Variants in KDM4C observed in about 807,000 individuals in gnomAD.
KDM4C encodes the protein lysine demethylase 4C, also known as lysine-specific demethylase 4C.
KDM4C carries 81 observed loss-of-function variants against 129.3 expected under a neutral mutation model. The ratio of observed to expected loss-of-function variants is 0.63; its 90% CI spans 0.52 to 0.75. The LOEUF (loss-of-function observed/expected upper bound fraction) is 0.75. Among genes scored for constraint, KDM4C ranks in the 30% least tolerant of loss-of-function variants. The pLI is 0.00. For missense variants in KDM4C, 1,457 were observed against 1,304.0 expected, an observed-to-expected ratio of 1.12 and a Z score of -1.81; for synonymous variants, 573 against 456.1, an observed-to-expected ratio of 1.26 and a Z score of -3.26.
intron 5 of KDM4C, among the ~76,000 whole-genome samples, chr9:6,863,618 A>G (rs527795982): frequency 1.3e-5 from 2 of 152,056 alleles, no homozygotes; most frequent in African/African-American, 4.8e-5. Context: ...AACACGGTGA[A>G]ACCTTGTCTC....
Position 6,822,361 on chromosome 9 carries a change from C to G in KDM4C, c.435+7616C>G, listed in dbSNP as rs140324793. 5.9e-3 allele frequency among the ~76,000 whole-genome samples: 898 copies of G among 152,198 alleles called. 11 individuals are homozygous for G. Among genetic ancestry groups the G allele is most frequent in the African/African-American group, 0.021 (857 of 41,532 alleles). On this transcript the variant is annotated intron_variant, in intron 4 of 21. Coordinates refer to ENST00000381309, the MANE Select transcript of KDM4C (RefSeq NM_015061.6). The stretch of plus-strand genomic sequence containing the variant: ...TGTTCTTGGGGAAGACTGTACAAAT[C>G]CTTTTTGAGATAGATGGGATATAAA...
Position 6,758,149 on chromosome 9 carries a change from C to A in KDM4C, c.-72C>A, listed in dbSNP as rs1464286014. 1 of 985,620 alleles carries A rather than the reference C, an allele frequency of 1.0e-6. No homozygotes were observed. Among genetic ancestry groups the A allele is most frequent in the African/African-American group, 1.7e-5 (1 of 57,256 alleles). 61.1% of individuals were successfully genotyped at this position (985,620 alleles called of 1,614,324 possible). A position where few individuals can be genotyped will look rare whatever the true frequency, so the allele number is the denominator to read the frequency against. ...CCAAATCTCCCTGGGCCGGAGGCCACTGTCTTCTCTTCCTCCTCCACCGAG... is the reference window on the plus strand; with the variant it reads ...CCAAATCTCCCTGGGCCGGAGGCCAATGTCTTCTCTTCCTCCTCCACCGAG... On this transcript the variant is annotated 5_prime_UTR_variant, in exon 1 of 22. The change creates a new upstream start codon in the 5' untranslated region. Transcript: ENST00000381309. The surrounding 1 kb of genome is among the most constrained non-coding windows in gnomAD (Gnocchi z 4.6).
chr9:7,101,086 T>A (rs528478385), intron 17 of KDM4C, among the ~76,000 whole-genome samples: 12 of 152,184 alleles, frequency 7.9e-5, no homozygotes, highest in Admixed American at 1.3e-4. Context: ...GTAGCAGGGA[T>A]TGATCTTGAT....
At chr9:7,049,408 C>T (rs1239700895) in intron 17 of KDM4C, among the ~76,000 whole-genome samples, 1 of 152,042 alleles carries the variant, frequency 6.6e-6, no homozygotes, top group South Asian at 2.1e-4. Context: ...TCCTCAATTT[C>T]TGTCTGAAAT....
chr9:6,930,593 T>C (rs1478644998), intron 8 of KDM4C, among the ~76,000 whole-genome samples: 1 of 144,344 alleles, frequency 6.9e-6, no homozygotes, highest in Non-Finnish European at 1.5e-5. Context: ...TATATATTCA[T>C]ATGTATATAA....
intron 19 of KDM4C, 105 bp from the exon 20 acceptor site, chr9:7,165,133 G>C (rs1209878183): frequency 3.8e-6 from 5 of 1,331,700 alleles, no homozygotes; most frequent in Non-Finnish European, 5.2e-6. Flanking sequence ...ATAAAACACA[G>C]AGGCAATAAC....
upstream of KDM4C, among the ~76,000 whole-genome samples, chr9:6,757,431 G>A (rs1336649507): frequency 6.6e-6 from 1 of 152,222 alleles, no homozygotes; most frequent in Non-Finnish European, 1.5e-5. Flanking sequence ...GTTGTTAAAG[G>A]GTTGGGACAC....
chr9:7,114,285 C>T (rs1481309431), intron 18 of KDM4C, among the ~76,000 whole-genome samples: 3 of 152,098 alleles, frequency 2.0e-5, no homozygotes, highest in Non-Finnish European at 4.4e-5. Context: ...GACATTGTGC[C>T]TGTCAGCTAG....
chr9:6,950,216 A>T (rs1827888134), intron 8 of KDM4C, among the ~76,000 whole-genome samples: 1 of 152,098 alleles, frequency 6.6e-6, no homozygotes, highest in Non-Finnish European at 1.5e-5. Context: ...GGTTGTCTTG[A>T]ACCTTAAATT....
chr9:6,778,122 C>A lies in KDM4C; in HGVS notation c.-17-14850C>A, dbSNP rs536728847. 2.0e-5 allele frequency among the ~76,000 whole-genome samples: 3 copies of A among 149,158 alleles called. No homozygotes were observed. The South Asian group carries it at 6.4e-4, about 32-fold the overall frequency. On this transcript the variant is annotated intron_variant, in intron 1 of 21. Coordinates refer to ENST00000381309, the MANE Select transcript of KDM4C (RefSeq NM_015061.6). ...TTTTTTTTTTTGAGACAGAGTCTTG[C>A]TCTGTCACCAAGGCTGGAGTGCAGT...
At chr9:6,991,802 G>A (rs900476081) in intron 12 of KDM4C, among the ~76,000 whole-genome samples, 15 of 152,174 alleles carry the variant, frequency 9.9e-5, no homozygotes, top group Admixed American at 8.5e-4. Flanking sequence ...CTGGGAAGCA[G>A]AGGTGGGAGC....
In KDM4C at chr9:7,060,638, T is replaced by C. The variant is rs546543551; in HGVS notation, c.2424+11438T>C. On this transcript the variant is annotated intron_variant, in intron 17 of 21. Transcript: ENST00000381309. The stretch of plus-strand genomic sequence containing the variant: ...CTGGGACTACAGGTGCATGCCACCA[T>C]GCCCAGCTAATTTTTGTGTTTTTAG... Among the ~76,000 whole-genome samples, 266 of 152,032 alleles carry C rather than the reference T, an allele frequency of 1.7e-3. 1 individual carries two copies. In the Middle Eastern group the frequency reaches 0.02, roughly 12 times the overall value.
At chr9:6,737,473 T>A (rs969687302) in intron 1 of KDM4C, among the ~76,000 whole-genome samples, 3 of 142,428 alleles carry the variant, frequency 2.1e-5, no homozygotes, top group Non-Finnish European at 4.5e-5. Context: ...CCAGCCTGTC[T>A]AACCTGGTGA....
chr9:7,131,768 T>C (rs1840669794), intron 19 of KDM4C, among the ~76,000 whole-genome samples: 1 of 152,058 alleles, frequency 6.6e-6, no homozygotes, highest in African/African-American at 2.4e-5. Context: ...AAAAAAAAAA[T>C]GTAATCAGGT....
At chr9:7,094,957 G>A (rs79493149) in intron 17 of KDM4C, among the ~76,000 whole-genome samples, 2,839 of 152,298 alleles carry the variant, frequency 0.019, 45 homozygotes, top group Middle Eastern at 0.085. Flanking sequence ...TTCAGAAAAG[G>A]AAGACTACCC....
At chr9:6,812,486 C>T (rs765847412) in intron 3 of KDM4C, among the ~76,000 whole-genome samples, 3 of 152,054 alleles carry the variant, frequency 2.0e-5, no homozygotes, top group East Asian at 1.9e-4. Flanking sequence ...GGGATGGTTT[C>T]GGGATGAAAC....
At chr9:7,102,309 C>CTTTTTTTTTT (rs34614459) in intron 17 of KDM4C, among the ~76,000 whole-genome samples, 9 of 89,974 alleles carry the variant, frequency 1.0e-4, no homozygotes, top group Non-Finnish European at 1.4e-4. Flanking sequence ...ATGGTTTTCC[C>CTTTTTTTTTT]TTTTTTTTTT....
At chr9:6,927,947 T>C (rs111951263) in intron 8 of KDM4C, among the ~76,000 whole-genome samples, 2,325 of 151,958 alleles carry the variant, frequency 0.015, 61 homozygotes, top group African/African-American at 0.053. Context: ...ATTTGAACTT[T>C]TGGTATCATC....
chr9:7,012,664 A>T (rs999340151), intron 13 of KDM4C, among the ~76,000 whole-genome samples: 1 of 152,154 alleles, frequency 6.6e-6, no homozygotes, highest in Non-Finnish European at 1.5e-5. Flanking sequence ...GCGTCATTCC[A>T]TAGATATTAT....
Sources: allele counts gnomAD v4.1 joint callset (sites outside exome capture counted in the v4.1 genomes callset), GRCh38; gene constraint gnomAD v4.1.1; non-coding constraint Gnocchi (gnomAD v3.1); transcripts MANE v1.5; gene names NCBI Gene and HGNC (gene_info 2026-07-23, HGNC 2026-07-21).